MSRA: variants seen among roughly 807,000 people sequenced by gnomAD.
MSRA encodes the protein methionine sulfoxide reductase A.
Under a neutral mutation model 31.3 loss-of-function variants are expected in MSRA, and 54 were observed. The observed-to-expected ratio is 1.73, with a 90% CI of 1.39 to 2.17. MSRA has a LOEUF of 2.17. Ranked by LOEUF, MSRA falls within the 30% of genes most tolerant of loss-of-function variation. MSRA has a pLI of 0.00. For missense variants in MSRA, 507 were observed against 300.9 expected (o/e 1.69, Z -5.07); for synonymous variants, 169 against 116.5 (o/e 1.45, Z -2.90).
intron 5 of MSRA, among the ~76,000 whole-genome samples, chr8:10,372,139 T>G (rs751141917): frequency 6.6e-6 from 1 of 152,196 alleles, no homozygotes; most frequent in Non-Finnish European, 1.5e-5. Context: ...AAGGGCATCG[T>G]TAGCTCTTCT....
Position 10,421,609 on chromosome 8 carries a change from A to G in MSRA, c.544-6539A>G, listed in dbSNP as rs1403911657. ...AGGCTGCAGTCAGCAGAATGATCAC[A>G]TGTTCATTACATTTATTACCAGAAA... On this transcript the variant is annotated intron_variant, in intron 5 of 5. Transcript: ENST00000317173. 2.0e-5 allele frequency among the ~76,000 whole-genome samples: 3 copies of G among 152,100 alleles called. No individual in the cohort carries two copies. In the East Asian group the frequency reaches 5.8e-4, roughly 29 times the overall value.
intron 2 of MSRA, among the ~76,000 whole-genome samples, chr8:10,242,295 C>T (rs997144814): frequency 1.3e-5 from 2 of 150,842 alleles, no homozygotes; most frequent in African/African-American, 2.4e-5. Context: ...AACTTAAAGA[C>T]GTATCAAATT....
intron 5 of MSRA, among the ~76,000 whole-genome samples, chr8:10,338,692 A>G (rs935373315): frequency 2.6e-5 from 4 of 152,100 alleles, no homozygotes; most frequent in African/African-American, 4.8e-5. Context: ...GATTGAGAAA[A>G]CTCTGTGAAG....
At chr8:10,310,761 C>A (rs1357105678) in intron 4 of MSRA, among the ~76,000 whole-genome samples, 1 of 152,198 alleles carries the variant, frequency 6.6e-6, no homozygotes, top group African/African-American at 2.4e-5. Context: ...AAATCGAAGC[C>A]TGATGTTCTT....
At chr8:10,178,794 A>G (rs532695636) in intron 1 of MSRA, among the ~76,000 whole-genome samples, 1 of 152,206 alleles carries the variant, frequency 6.6e-6, no homozygotes. Flanking sequence ...ATACTTTGGA[A>G]TGTTTTACTA....
At chr8:10,385,312 C>G (rs1056045728) in intron 5 of MSRA, among the ~76,000 whole-genome samples, 9 of 152,192 alleles carry the variant, frequency 5.9e-5, no homozygotes, top group Non-Finnish European at 8.8e-5. Context: ...ACCAGCTTAA[C>G]AGGATTCTTA....
intron 3 of MSRA, among the ~76,000 whole-genome samples, chr8:10,260,582 G>A (rs1053608280): frequency 1.3e-5 from 2 of 152,176 alleles, no homozygotes; most frequent in African/African-American, 4.8e-5. Flanking sequence ...GACCACAAAT[G>A]CCTGCTAGGA....
At chr8:10,204,525 A>C (rs150509028) in intron 1 of MSRA, among the ~76,000 whole-genome samples, 1 of 152,332 alleles carries the variant, frequency 6.6e-6, no homozygotes, top group East Asian at 1.9e-4. Flanking sequence ...TACAGTATTC[A>C]GTATAGTCAC....
Position 10,303,594 on chromosome 8 carries a change from A to G in MSRA, c.436+1956A>G, listed in dbSNP as rs1005836761. On this transcript the variant is annotated intron_variant, in intron 4 of 5. Transcript: ENST00000317173. The stretch of plus-strand genomic sequence containing the variant: ...TCTCCCCAGCTGAATTCAGAGAACC[A>G]CTCATCAACACCAGGGCAACCCTGA... Among the ~76,000 whole-genome samples, 7 of 152,228 alleles carry G rather than the reference A, an allele frequency of 4.6e-5. No homozygotes were observed. In the East Asian group the frequency reaches 1.4e-3, roughly 29 times the overall value.
chr8:10,275,098 T>TTTTTTTTTTTTTGAGACGGAGTCTC (rs1799254683), intron 3 of MSRA, among the ~76,000 whole-genome samples: 1 of 152,086 alleles, frequency 6.6e-6, no homozygotes, highest in African/African-American at 2.4e-5. Context: ...AATTCTTATT[T>TTTTTTTTTTTTTGAGACGGAGTCTC]GCTGCCTTTC....
intron 1 of MSRA, among the ~76,000 whole-genome samples, chr8:10,183,511 C>G (rs1198225717): frequency 6.6e-6 from 1 of 152,104 alleles, no homozygotes; most frequent in Non-Finnish European, 1.5e-5. Flanking sequence ...CAGGGGCAGA[C>G]CAAGGGTCTG....
intron 3 of MSRA, among the ~76,000 whole-genome samples, chr8:10,283,374 G>T (rs1269315740): frequency 6.6e-6 from 1 of 152,080 alleles, no homozygotes; most frequent in Non-Finnish European, 1.5e-5. Context: ...AGCTAAAGCT[G>T]CTTCGTGTTG....
In MSRA at chr8:10,245,119, G is replaced by A. The variant is rs772896613; in HGVS notation, c.227G>A (p.Trp76Ter). Residue 76 changes from tryptophan to a stop codon, truncating the protein, a stop_gained, in exon 3 of 6, where the codon TGG becomes TAG. Transcript: ENST00000317173. LOFTEE classifies it high-confidence loss of function. ...QMAVFGMGCFWGAERKFWVLK... is the reference protein window; with the variant it reads ...QMAVFGMGCF ...CTTTTTTAAGGAATGGGATGTTTCT[G>A]GGGAGCTGAAAGGAAATTCTGGGTC... 1.2e-5 allele frequency: 19 copies of A among 1,612,286 alleles called. No homozygotes were observed. In the East Asian group the frequency reaches 2.7e-4, roughly 23 times the overall value.
chr8:10,238,023 C>T (rs1192392292), intron 2 of MSRA, among the ~76,000 whole-genome samples: 2 of 152,208 alleles, frequency 1.3e-5, no homozygotes, highest in Non-Finnish European at 2.9e-5. Flanking sequence ...CCATTTTACT[C>T]AGAGTAAAAT....
At chr8:10,270,620 G>A (rs1798981918) in intron 3 of MSRA, among the ~76,000 whole-genome samples, 1 of 152,216 alleles carries the variant, frequency 6.6e-6, no homozygotes, top group Non-Finnish European at 1.5e-5. Context: ...AGCAGCTGGA[G>A]TTCCACACGT....
chr8:10,110,838 C>T (rs1056391078), intron 1 of MSRA, among the ~76,000 whole-genome samples: 2 of 152,174 alleles, frequency 1.3e-5, no homozygotes, highest in African/African-American at 2.4e-5. Flanking sequence ...AATTTCGACA[C>T]GTGGCAGCCT....
chr8:10,368,839 G>A (rs975535706), intron 5 of MSRA, among the ~76,000 whole-genome samples: 8 of 152,136 alleles, frequency 5.3e-5, no homozygotes, highest in African/African-American at 1.7e-4. Flanking sequence ...CCTTCTGCCT[G>A]GGAGACGGGT....
intron 1 of MSRA, among the ~76,000 whole-genome samples, chr8:10,055,572 C>T (rs913291388): frequency 1.3e-5 from 2 of 152,216 alleles, no homozygotes; most frequent in Admixed American, 6.5e-5. Flanking sequence ...TGGAGCCCAA[C>T]AATCTCTAAA....
chr8:10,070,883 G>A (rs1394958955), intron 1 of MSRA, among the ~76,000 whole-genome samples: 3 of 152,168 alleles, frequency 2.0e-5, no homozygotes, highest in Non-Finnish European at 4.4e-5. Context: ...ATGTACCACA[G>A]TTTAACCATT....
Sources: allele counts gnomAD v4.1 joint callset (sites outside exome capture counted in the v4.1 genomes callset), GRCh38; gene constraint gnomAD v4.1.1; transcripts MANE v1.5; gene names NCBI Gene and HGNC (gene_info 2026-07-23, HGNC 2026-07-21).